The following STX11 variants were observed in gnomAD, a reference collection of about 807,000 sequenced individuals.
STX11 encodes syntaxin 11, also known as syntaxin-11.
Under a neutral mutation model 19.9 loss-of-function variants are expected in STX11, and 21 were observed. The observed-to-expected ratio is 1.06, with a 90% CI of 0.75 to 1.52. The LOEUF (loss-of-function observed/expected upper bound fraction) is 1.52. STX11 is among the 40% of genes most tolerant of loss of function. STX11 has a pLI of 0.00. For missense variants in STX11, 438 were observed against 405.9 expected (o/e 1.08, Z -0.68); for synonymous variants, 193 against 174.4 (o/e 1.11, Z -0.84).
upstream of STX11, among the ~76,000 whole-genome samples, chr6:144,145,935 A>T (rs560763101): frequency 3.9e-5 from 6 of 152,370 alleles, no homozygotes; most frequent in African/African-American, 1.2e-4. Flanking sequence ...ACACTTTAAC[A>T]TAGTTACAAT....
In STX11 at chr6:144,165,837, G is replaced by A. The variant is rs924381766; in HGVS notation, c.-6+15134G>A. On this transcript the variant is annotated intron_variant, in intron 1 of 1. Coordinates refer to ENST00000367568, the MANE Select transcript of STX11 (RefSeq NM_003764.4). This position sits in a 1 kb window ranked among gnomAD's most constrained non-coding sequence, Gnocchi z 5.8. The stretch of plus-strand genomic sequence containing the variant: ...AAGTGCTCTCATGTACATAACTTAC[G>A]TAACTTAACAATCAAAAAGTAACCT... Among the ~76,000 whole-genome samples the A allele has an allele frequency of 6.6e-6, 1 of 152,158 alleles. No individual in the cohort carries two copies. Among genetic ancestry groups the A allele is most frequent in the African/African-American group, 2.4e-5 (1 of 41,420 alleles).
At chr6:144,166,023 A>G (rs1309846723) in intron 1 of STX11, among the ~76,000 whole-genome samples, 2 of 152,210 alleles carry the variant, frequency 1.3e-5, no homozygotes, top group Non-Finnish European at 2.9e-5. Context: ...TTCAAATGAT[A>G]TTAGCAGCCG....
chr6:144,140,836 G>A, the STX11 span: 1 of 975,860 alleles, frequency 1.0e-6, no homozygotes, highest in Non-Finnish European at 1.2e-6. Flanking sequence ...TGGAAGTATA[G>A]AGTTTCTAAA....
rs1801985825 is a variant in STX11 at position 144,184,770 on chromosome 6, A to G, written c.-5-1853A>G. On this transcript the variant is annotated intron_variant, in intron 1 of 1. Coordinates refer to ENST00000367568, the MANE Select transcript of STX11 (RefSeq NM_003764.4). The surrounding 1 kb of genome is among the most constrained non-coding windows in gnomAD (Gnocchi z 6.5). ...GATGCCTAGAAAATATCAGGCATAT[A>G]TAACATACGTTTATGTTCTCTGTCA... Among the ~76,000 whole-genome samples the G allele has an allele frequency of 2.6e-5, 4 of 152,244 alleles. No individual in the cohort carries two copies. The highest frequency in any genetic ancestry group is 2.0e-4 in the Admixed American group (3 of 15,280).
At position 144,187,050 on chromosome 6, in the gene STX11, C is replaced by A. The variant is rs768985732; in HGVS notation, c.423C>A (p.Arg141=). 2 of 1,613,150 alleles carry A rather than the reference C, an allele frequency of 1.2e-6. No individual in the cohort carries two copies. The highest frequency in any genetic ancestry group is 1.7e-6 in the Non-Finnish European group (2 of 1,179,978). The change falls in exon 2 of 2, where the codon CGC becomes CGA. Residue 141 remains arginine, a synonymous_variant. Transcript: ENST00000367568. The surrounding 1 kb of genome is among the most constrained non-coding windows in gnomAD (Gnocchi z 5.6). ...QYNALTLTFQ[R]AMHDYNQAEM... The stretch of plus-strand genomic sequence containing the variant: ...ACGCGCTCACCCTCACCTTCCAGCG[C>A]GCCATGCACGACTACAACCAGGCCG...
At chr6:144,166,627 G>A (rs1268990236) in intron 1 of STX11, among the ~76,000 whole-genome samples, 2 of 149,104 alleles carry the variant, frequency 1.3e-5, no homozygotes, top group Admixed American at 1.3e-4. Flanking sequence ...CCAGGTTCAA[G>A]CAATTCTTCT....
At position 144,186,617 on chromosome 6, in the gene STX11, T is replaced by C; in HGVS notation, c.-5-6T>C. 6.2e-7 allele frequency: 1 copy of C among 1,614,004 alleles called. No homozygotes were observed. Among genetic ancestry groups the C allele is most frequent in the Admixed American group, 1.7e-5 (1 of 60,024 alleles). On this transcript the variant is annotated splice_polypyrimidine_tract_variant and splice_region_variant and intron_variant, in intron 1 of 1. Transcript: ENST00000367568. ...AGAAATTTAACTTCATTATCTCTAC[T>C]TGCAGGCAAAATGAAAGACCGGCTA... is the stretch of plus-strand genomic sequence containing the variant.
chr6:144,161,524 C>G (rs7776313), intron 1 of STX11, among the ~76,000 whole-genome samples: 2 of 152,132 alleles, frequency 1.3e-5, no homozygotes, highest in Non-Finnish European at 2.9e-5. Context: ...CCCGCCACCA[C>G]GTCCAGCTAA....
rs867422171 is a variant in STX11 at position 144,155,968 on chromosome 6, T to A, written c.-6+5265T>A. ...TTTCTTTCTTTCTTTCTTTCTTTCTTTCTTTCTTTCTTTCTTTCTTTCTTT... is the reference window on the plus strand; with the variant it reads ...TTTCTTTCTTTCTTTCTTTCTTTCTATCTTTCTTTCTTTCTTTCTTTCTTT... On this transcript the variant is annotated intron_variant, in intron 1 of 1. Transcript: ENST00000367568. The surrounding 1 kb of genome is among the most constrained non-coding windows in gnomAD (Gnocchi z 4.5). Among the ~76,000 whole-genome samples, 668 of 128,390 alleles carry A rather than the reference T, an allele frequency of 5.2e-3. 15 individuals carry two copies. Among genetic ancestry groups the A allele is most frequent in the East Asian group, 0.042 (182 of 4,322 alleles). 84.2% of individuals were successfully genotyped at this position (128,390 alleles called of 152,430 possible).
Position 144,177,891 on chromosome 6 carries a change from T to C in STX11, c.-5-8732T>C, listed in dbSNP as rs1284041254. On this transcript the variant is annotated intron_variant, in intron 1 of 1. Transcript: ENST00000367568. The surrounding 1 kb of genome is among the most constrained non-coding windows in gnomAD (Gnocchi z 4.4). ...ATTTTATGGATTTTTTTTAAAGTTG[T>C]GGTGACTTACTCCCTGTTTTTAGGA... 1.3e-5 allele frequency among the ~76,000 whole-genome samples: 2 copies of C among 152,206 alleles called. No individual in the cohort carries two copies. The highest frequency in any genetic ancestry group is 2.4e-5 in the African/African-American group (1 of 41,444).
At chr6:144,179,401 T>G (rs1354913156) in intron 1 of STX11, among the ~76,000 whole-genome samples, 1 of 152,184 alleles carries the variant, frequency 6.6e-6, no homozygotes, top group Admixed American at 6.5e-5. Flanking sequence ...TTTTACTCAG[T>G]TGAGTGAAAT....
In STX11 at chr6:144,151,420, G is replaced by T. The variant is rs571717172; in HGVS notation, c.-6+717G>T. 2.0e-6 allele frequency: 2 copies of T among 985,390 alleles called. No individual in the cohort carries two copies. The highest frequency in any genetic ancestry group is 2.3e-4 in the East Asian group (2 of 8,822). 61.0% of individuals were successfully genotyped at this position (985,390 alleles called of 1,614,324 possible). A position where few individuals can be genotyped will look rare whatever the true frequency, so the allele number is the denominator to read the frequency against. Reference sequence around the variant, plus strand: ...GTTATTTACAGGTATCCAAAAATGAGTCACAGGGCTGCTCTCTTAATTGTG... The same window carrying T: ...GTTATTTACAGGTATCCAAAAATGATTCACAGGGCTGCTCTCTTAATTGTG... On this transcript the variant is annotated intron_variant, in intron 1 of 1. Transcript: ENST00000367568. This position sits in a 1 kb window ranked among gnomAD's most constrained non-coding sequence, Gnocchi z 4.6.
At chr6:144,140,904 T>C in the STX11 span, 1 of 586,990 alleles carries the variant, frequency 1.7e-6, no homozygotes, top group Non-Finnish European at 2.1e-6. Flanking sequence ...GTTTAATGTA[T>C]CTGTGAAAAT....
At chr6:144,166,590 A>G (rs1430455767) in intron 1 of STX11, among the ~76,000 whole-genome samples, 1 of 132,704 alleles carries the variant, frequency 7.5e-6, no homozygotes, top group African/African-American at 2.9e-5. Context: ...CAGTGGTGTG[A>G]TCTCAGCCCA....
At chr6:144,173,905 G>A (rs1801707784) in intron 1 of STX11, among the ~76,000 whole-genome samples, 1 of 152,226 alleles carries the variant, frequency 6.6e-6, no homozygotes, top group South Asian at 2.1e-4. Context: ...TTAGGTTTCT[G>A]TTCTGGCAGC....
rs1419598166 is a variant in STX11, at chr6:144,187,383, G to A, written c.756G>A (p.Thr252=). The A allele has an allele frequency of 1.2e-6, 2 of 1,610,684 alleles. No individual in the cohort carries two copies. The highest frequency in any genetic ancestry group is 1.1e-5 in the South Asian group (1 of 91,092). ...LNVIELNVQK[T]VDYTGQAKAQ... is the part of the protein sequence containing the mutation. ...TCATCGAGCTCAACGTACAAAAGAC[G>A]GTCGACTACACCGGCCAGGCCAAGG... Residue 252 remains threonine (T), a synonymous_variant, in exon 2 of 2, where the codon ACG becomes ACA. Transcript: ENST00000367568. This position sits in a 1 kb window ranked among gnomAD's most constrained non-coding sequence, Gnocchi z 5.6.
rs1801050160 is a variant in STX11 at position 144,153,177 on chromosome 6, A to C, written c.-6+2474A>C. Among the ~76,000 whole-genome samples the C allele has an allele frequency of 6.6e-6, 1 of 152,148 alleles. No homozygotes were observed. The highest frequency in any genetic ancestry group is 1.5e-5 in the Non-Finnish European group (1 of 68,024). Reference sequence around the variant, plus strand: ...CCAACTGGTAAAGGCAACAATGCTAAATTTCAGACAACTTTACCTTAATTT... The same window carrying C: ...CCAACTGGTAAAGGCAACAATGCTACATTTCAGACAACTTTACCTTAATTT... On this transcript the variant is annotated intron_variant, in intron 1 of 1. Coordinates refer to ENST00000367568, the MANE Select transcript of STX11 (RefSeq NM_003764.4). The surrounding 1 kb of genome is among the most constrained non-coding windows in gnomAD (Gnocchi z 5.0).
In STX11 at chr6:144,150,529, G is replaced by A. The variant is rs1205629430; in HGVS notation, c.-180G>A. 2.0e-6 allele frequency: 2 copies of A among 985,274 alleles called. No homozygotes were observed. 61.0% of individuals were successfully genotyped at this position (985,274 alleles called of 1,614,324 possible). A position where few individuals can be genotyped will look rare whatever the true frequency, so the allele number is the denominator to read the frequency against. ...GCCGGCGGCGCCCAGATGCGGCCGCGGCGGCGCGGAGCTCGGGCGGCCGTG... is the reference window on the plus strand; with the variant it reads ...GCCGGCGGCGCCCAGATGCGGCCGCAGCGGCGCGGAGCTCGGGCGGCCGTG... On this transcript the variant is annotated 5_prime_UTR_variant, in exon 1 of 2. Coordinates refer to ENST00000367568, the MANE Select transcript of STX11 (RefSeq NM_003764.4).
intron 1 of STX11, 83 bp from the exon 2 acceptor site, chr6:144,186,540 G>A: frequency 6.3e-7 from 1 of 1,586,240 alleles, no homozygotes; most frequent in Non-Finnish European, 8.6e-7. Context: ...GGACTGCTGA[G>A]TAAAATGTTT....
Sources: allele counts gnomAD v4.1 joint callset (sites outside exome capture counted in the v4.1 genomes callset), GRCh38; gene constraint gnomAD v4.1.1; non-coding constraint Gnocchi (gnomAD v3.1); transcripts MANE v1.5; gene names NCBI Gene and HGNC (gene_info 2026-07-23, HGNC 2026-07-21).